The following GAD2 variants were observed in gnomAD, a reference collection of about 807,000 sequenced individuals.
The protein encoded by GAD2 is 65 kDa glutamic acid decarboxylase.
In GAD2, 22 loss-of-function variants were observed where a neutral mutation model predicts 80.1. The ratio of observed to expected loss-of-function variants is 0.27; its 90% CI spans 0.20 to 0.39. GAD2 has a LOEUF of 0.39. GAD2 is among the 10% of genes least tolerant of loss of function. The probability of loss-of-function intolerance (pLI) is 1.00; values close to 1 mark genes in which losing one functional copy is unlikely to be tolerated. For synonymous variants in GAD2, 274 were observed against 256.9 expected (o/e 1.07, Z -0.64); for missense variants, 624 against 738.4 (o/e 0.85, Z 1.80).
chr10:26,259,281 T>A (rs1327650246), intron 8 of GAD2, among the ~76,000 whole-genome samples: 2 of 152,244 alleles, frequency 1.3e-5, no homozygotes, highest in Non-Finnish European at 2.9e-5. Context: ...ACCATCATAC[T>A]TTTTCCTCAA....
At chr10:26,245,472 T>G (rs977571214) in intron 7 of GAD2, among the ~76,000 whole-genome samples, 3 of 151,980 alleles carry the variant, frequency 2.0e-5, no homozygotes, top group Admixed American at 2.0e-4. Flanking sequence ...AGTTTCACTC[T>G]TGTCTCCCAA....
At chr10:26,293,026 A>G (rs1372519233) in intron 15 of GAD2, 35 bp downstream of exon 15, 1 of 1,519,252 alleles carries the variant, frequency 6.6e-7, no homozygotes, top group African/African-American at 1.4e-5. Context: ...ACATGTGTGT[A>G]TTGAGCCTTT....
At chr10:26,230,817 G>A (rs2132276696) in intron 7 of GAD2, among the ~76,000 whole-genome samples, 1 of 152,164 alleles carries the variant, frequency 6.6e-6, no homozygotes, top group East Asian at 1.9e-4. Context: ...ACCAGGCACG[G>A]TGGCTCATGC....
At chr10:26,287,438 C>T (rs1328697872) in intron 13 of GAD2, among the ~76,000 whole-genome samples, 1 of 152,154 alleles carries the variant, frequency 6.6e-6, no homozygotes, top group African/African-American at 2.4e-5. Context: ...ATACATGTGC[C>T]ATAGTAAACT....
intron 8 of GAD2, among the ~76,000 whole-genome samples, chr10:26,264,948 A>T (rs1037346288): frequency 1.3e-5 from 2 of 152,198 alleles, no homozygotes; most frequent in Admixed American, 1.3e-4. Context: ...GGCACCCTAC[A>T]TGTGACCATC....
rs8190710 is a variant in GAD2 at position 26,269,806 on chromosome 10, T to G, written c.975+633T>G. ...ACACATGCATTTTATCATTAGGAACTCAGAAATAATGATTTACGTTCATAT... is the reference window on the plus strand; with the variant it reads ...ACACATGCATTTTATCATTAGGAACGCAGAAATAATGATTTACGTTCATAT... On this transcript the variant is annotated intron_variant, in intron 9 of 15. Transcript: ENST00000376261. Among the ~76,000 whole-genome samples, 522 of 152,326 alleles carry G rather than the reference T, an allele frequency of 3.4e-3. 2 individuals are homozygous for G. Among genetic ancestry groups the G allele is most frequent in the African/African-American group, 0.012 (507 of 41,564 alleles).
intron 8 of GAD2, among the ~76,000 whole-genome samples, chr10:26,260,411 C>G (rs1333650038): frequency 6.6e-6 from 1 of 152,090 alleles, no homozygotes; most frequent in Non-Finnish European, 1.5e-5. Flanking sequence ...GGCAGATCAC[C>G]TGAGGTCAGG....
chr10:26,270,120 G>T (rs1178618754), intron 9 of GAD2, among the ~76,000 whole-genome samples: 1 of 152,168 alleles, frequency 6.6e-6, no homozygotes, highest in Non-Finnish European at 1.5e-5. Flanking sequence ...TAGTTAGACG[G>T]ATAAAAGTCA....
At chr10:26,230,804 C>G (rs576280764) in intron 7 of GAD2, among the ~76,000 whole-genome samples, 1 of 151,896 alleles carries the variant, frequency 6.6e-6, no homozygotes, top group African/African-American at 2.4e-5. Context: ...GAAATAGCAC[C>G]GTACCAGGCA....
intron 8 of GAD2, among the ~76,000 whole-genome samples, chr10:26,258,545 C>G (rs1373276637): frequency 2.6e-4 from 39 of 152,156 alleles, no homozygotes; most frequent in Non-Finnish European, 1.5e-5. Context: ...CCTACCACCC[C>G]CTCCCCACTA....
At chr10:26,298,849 C>G (rs753544108) in intron 15 of GAD2, among the ~76,000 whole-genome samples, 1 of 152,132 alleles carries the variant, frequency 6.6e-6, no homozygotes, top group South Asian at 2.1e-4. Flanking sequence ...ATTCCATGCC[C>G]CTTTGGCTGG....
intron 6 of GAD2, among the ~76,000 whole-genome samples, chr10:26,229,154 A>T (rs1844566728): frequency 6.6e-6 from 1 of 151,660 alleles, no homozygotes; most frequent in Non-Finnish European, 1.5e-5. Flanking sequence ...AGATCGTGCC[A>T]CTGCACTCCA....
At chr10:26,289,348 C>T (rs1589153947) in intron 13 of GAD2, among the ~76,000 whole-genome samples, 1 of 152,132 alleles carries the variant, frequency 6.6e-6, no homozygotes, top group South Asian at 2.1e-4. Flanking sequence ...TCACTAAACC[C>T]TCTGTTGTCA....
At chr10:26,232,469 CTTTTTTTTTTTT>C (rs60636223) in intron 7 of GAD2, among the ~76,000 whole-genome samples, 1 of 101,400 alleles carries the variant, frequency 9.9e-6, no homozygotes, top group Non-Finnish European at 2.1e-5. Flanking sequence ...ACTCAGTCTA[CTTTTTTTTTTTT>C]TTTTTTTTTT....
intron 8 of GAD2, among the ~76,000 whole-genome samples, chr10:26,259,224 T>C (rs1844979835): frequency 6.6e-6 from 1 of 152,246 alleles, no homozygotes; most frequent in Admixed American, 6.5e-5. Flanking sequence ...TACCTAACAG[T>C]TGAATTGCTG....
intron 15 of GAD2, among the ~76,000 whole-genome samples, chr10:26,297,804 C>T (rs1323009848): frequency 6.6e-6 from 1 of 152,166 alleles, no homozygotes; most frequent in East Asian, 1.9e-4. Context: ...TTTTATGCCT[C>T]ACAGGGCCTG....
At chr10:26,252,544 T>C (rs980151861) in intron 8 of GAD2, among the ~76,000 whole-genome samples, 2 of 151,958 alleles carry the variant, frequency 1.3e-5, no homozygotes, top group African/African-American at 4.8e-5. Context: ...GATCTTATCA[T>C]GTCACCATGT....
At chr10:26,219,397 C>A in intron 4 of GAD2, 121 bp downstream of exon 4, 1 of 644,120 alleles carries the variant, frequency 1.6e-6, no homozygotes, top group Non-Finnish European at 2.6e-6. Flanking sequence ...AAGTTATTTT[C>A]ATCATGTAAA....
At chr10:26,255,608 G>A (rs59054869) in intron 8 of GAD2, among the ~76,000 whole-genome samples, 4,604 of 79,498 alleles carry the variant, frequency 0.058, 84 homozygotes, top group African/African-American at 0.11. Context: ...AAGGAAAGAA[G>A]GAAGGAAGGA....
Sources: allele counts gnomAD v4.1 joint callset (sites outside exome capture counted in the v4.1 genomes callset), GRCh38; gene constraint gnomAD v4.1.1; transcripts MANE v1.5; gene names NCBI Gene and HGNC (gene_info 2026-07-23, HGNC 2026-07-21).